Variants in SPAG16 observed in about 807,000 individuals in gnomAD.
SPAG16 encodes sperm associated antigen 16, also known as sperm-associated antigen 16 protein.
SPAG16 carries 86 observed loss-of-function variants against 80.4 expected under a neutral mutation model. That is an observed-to-expected ratio of 1.07 (90% CI 0.90 to 1.28). The LOEUF (loss-of-function observed/expected upper bound fraction) is 1.28, where lower values mean the gene tolerates loss of function less well. Among genes scored for constraint, SPAG16 ranks in the 50% most tolerant of loss-of-function variants. The probability of loss-of-function intolerance (pLI) is 0.00; values close to 1 mark genes in which losing one functional copy is unlikely to be tolerated. For synonymous variants in SPAG16, 294 were observed against 265.9 expected (o/e 1.11, Z -1.03); for missense variants, 870 against 765.3 (o/e 1.14, Z -1.61).
At chr2:213,989,302 A>G (rs1177150989) in intron 12 of SPAG16, among the ~76,000 whole-genome samples, 1 of 152,068 alleles carries the variant, frequency 6.6e-6, no homozygotes, top group Admixed American at 6.6e-5. Flanking sequence ...TTACTTGCCT[A>G]TGATCACCCT....
intron 15 of SPAG16, among the ~76,000 whole-genome samples, chr2:214,259,277 G>C (rs901129499): frequency 2.6e-5 from 4 of 151,678 alleles, no homozygotes; most frequent in African/African-American, 9.7e-5. Flanking sequence ...TGTTTTAACT[G>C]TGGCTGGGTT....
intron 12 of SPAG16, among the ~76,000 whole-genome samples, chr2:213,979,727 G>GACCTGAACCATATCGCC (rs1298163929): frequency 6.6e-6 from 1 of 152,086 alleles, no homozygotes; most frequent in Non-Finnish European, 1.5e-5. Context: ...TGGAGTCACA[G>GACCTGAACCATATCGCC]ACCTGAACCA....
chr2:213,990,521 C>T (rs2046227047), intron 12 of SPAG16, among the ~76,000 whole-genome samples: 1 of 151,964 alleles, frequency 6.6e-6, no homozygotes, highest in Admixed American at 6.6e-5. Flanking sequence ...ATGTATATTA[C>T]ATGTATTATA....
At chr2:213,478,755 C>T (rs1223419597) in intron 9 of SPAG16, among the ~76,000 whole-genome samples, 2 of 152,068 alleles carry the variant, frequency 1.3e-5, no homozygotes, top group Non-Finnish European at 2.9e-5. Context: ...CTGCCATATT[C>T]CTACTCTGTG....
chr2:213,944,953 G>A (rs376089895), intron 12 of SPAG16, among the ~76,000 whole-genome samples: 5 of 152,030 alleles, frequency 3.3e-5, no homozygotes, highest in East Asian at 1.9e-4. Flanking sequence ...CAAGAGAATC[G>A]CTTGAACCCA....
chr2:214,397,720 T>C (rs1032422177), intron 15 of SPAG16, among the ~76,000 whole-genome samples: 1 of 152,194 alleles, frequency 6.6e-6, no homozygotes, highest in African/African-American at 2.4e-5. Flanking sequence ...GATAGATAGA[T>C]AGTCAAATTA....
At chr2:213,942,824 A>G (rs1045743131) in intron 12 of SPAG16, among the ~76,000 whole-genome samples, 1 of 152,226 alleles carries the variant, frequency 6.6e-6, no homozygotes, top group Non-Finnish European at 1.5e-5. Context: ...GGCGACTGCT[A>G]TGAACTAAGT....
At chr2:213,977,624 A>G (rs1408869563) in intron 12 of SPAG16, among the ~76,000 whole-genome samples, 8 of 152,058 alleles carry the variant, frequency 5.3e-5, no homozygotes, top group Admixed American at 2.0e-4. Flanking sequence ...TGCTCTCTGT[A>G]TCTTTTTGTT....
intron 4 of SPAG16, among the ~76,000 whole-genome samples, chr2:213,317,017 A>G (rs2063426304): frequency 6.6e-6 from 1 of 152,084 alleles, no homozygotes; most frequent in Non-Finnish European, 1.5e-5. Context: ...ATTATATTTT[A>G]TACACCATGA....
intron 14 of SPAG16, among the ~76,000 whole-genome samples, chr2:214,140,463 G>A (rs1386199633): frequency 6.6e-6 from 1 of 151,768 alleles, no homozygotes; most frequent in Non-Finnish European, 1.5e-5. Context: ...TTTAGATCAA[G>A]CTTTATTTTT....
At chr2:213,870,819 G>T (rs562872394) in intron 11 of SPAG16, among the ~76,000 whole-genome samples, 17 of 152,130 alleles carry the variant, frequency 1.1e-4, no homozygotes, top group African/African-American at 3.6e-4. Context: ...TTTGTAGAAA[G>T]AAAATAATTT....
chr2:213,842,034 C>T (rs566557442), intron 10 of SPAG16, among the ~76,000 whole-genome samples: 2 of 152,054 alleles, frequency 1.3e-5, no homozygotes, highest in Non-Finnish European at 2.9e-5. Context: ...TCTTGTGAAA[C>T]AGGTGTGCAT....
intron 13 of SPAG16, among the ~76,000 whole-genome samples, chr2:214,093,650 C>T (rs1559783804): frequency 6.6e-6 from 1 of 151,924 alleles, no homozygotes; most frequent in Non-Finnish European, 1.5e-5. Flanking sequence ...CCATATAGCA[C>T]AGCATAATGA....
intron 12 of SPAG16, among the ~76,000 whole-genome samples, chr2:213,980,838 G>A (rs1289353248): frequency 1.4e-5 from 2 of 146,620 alleles, no homozygotes; most frequent in Non-Finnish European, 3.0e-5. Flanking sequence ...GAACCCGGGA[G>A]GCGGAGGTTG....
intron 15 of SPAG16, among the ~76,000 whole-genome samples, chr2:214,218,894 TCTC>T (rs771766400): frequency 2.0e-5 from 3 of 152,182 alleles, no homozygotes; most frequent in African/African-American, 4.8e-5. Flanking sequence ...TGGGTGAACT[TCTC>T]CTAAAATAAT....
At chr2:214,300,417 G>C (rs1226219821) in intron 15 of SPAG16, among the ~76,000 whole-genome samples, 1 of 152,084 alleles carries the variant, frequency 6.6e-6, no homozygotes, top group Non-Finnish European at 1.5e-5. Flanking sequence ...GAACACATAA[G>C]CTTTTTAATG....
intron 15 of SPAG16, among the ~76,000 whole-genome samples, chr2:214,373,019 G>T (rs1282923635): frequency 6.6e-6 from 1 of 152,132 alleles, no homozygotes; most frequent in Non-Finnish European, 1.5e-5. Context: ...AATATTTTAG[G>T]TAGCTCCAAG....
At chr2:214,000,370 T>A (rs1200082368) in intron 12 of SPAG16, among the ~76,000 whole-genome samples, 1 of 152,140 alleles carries the variant, frequency 6.6e-6, no homozygotes, top group African/African-American at 2.4e-5. Flanking sequence ...GGCCATTATT[T>A]TGAGGGCTCC....
intron 9 of SPAG16, among the ~76,000 whole-genome samples, chr2:213,395,989 C>G (rs540811217): frequency 1.3e-5 from 2 of 152,074 alleles, no homozygotes; most frequent in African/African-American, 4.8e-5. Context: ...TGTTATTTAA[C>G]TAGTTTCCAT....
Sources: allele counts gnomAD v4.1 joint callset (sites outside exome capture counted in the v4.1 genomes callset), GRCh38; gene constraint gnomAD v4.1.1; transcripts MANE v1.5; gene names NCBI Gene and HGNC (gene_info 2026-07-23, HGNC 2026-07-21).